Variants in FHOD3 observed in about 807,000 individuals in gnomAD.
FHOD3 encodes the protein formin homology 2 domain containing 3.
In FHOD3, 90 loss-of-function variants were observed where a neutral mutation model predicts 173.0. That is an observed-to-expected ratio of 0.52 (90% CI 0.44 to 0.62). The LOEUF (loss-of-function observed/expected upper bound fraction) is 0.62. Ranked by LOEUF, FHOD3 falls within the 20% of genes least tolerant of loss-of-function variation. The pLI, the probability that FHOD3 is intolerant of heterozygous loss-of-function variation, is 0.00. For synonymous variants in FHOD3, 828 were observed against 823.0 expected (o/e 1.01, Z -0.10); for missense variants, 1,945 against 2,034.7 (o/e 0.96, Z 0.85).
intron 3 of FHOD3, among the ~76,000 whole-genome samples, chr18:36,492,079 G>A (rs1270658041): frequency 6.6e-6 from 1 of 152,154 alleles, no homozygotes; most frequent in Non-Finnish European, 1.5e-5. Flanking sequence ...CAGATGTTGA[G>A]GGAATTAGGA....
At chr18:36,312,296 C>T (rs1376810322) in intron 1 of FHOD3, among the ~76,000 whole-genome samples, 1 of 152,140 alleles carries the variant, frequency 6.6e-6, no homozygotes, top group East Asian at 1.9e-4. Flanking sequence ...GTTGGCCTTT[C>T]TCAGGTTTCT....
chr18:36,379,973 A>G (rs1250373026), intron 3 of FHOD3, among the ~76,000 whole-genome samples: 1 of 152,240 alleles, frequency 6.6e-6, no homozygotes, highest in Non-Finnish European at 1.5e-5. Context: ...CTTGCTGAAG[A>G]AAGTTCTTTG....
At chr18:36,404,108 A>C (rs2048947905) in intron 3 of FHOD3, among the ~76,000 whole-genome samples, 1 of 152,104 alleles carries the variant, frequency 6.6e-6, no homozygotes, top group Admixed American at 6.5e-5. Context: ...CTGCTCCCTG[A>C]GGGTTTGGGC....
At chr18:36,310,407 C>T (rs1205757791) in intron 1 of FHOD3, among the ~76,000 whole-genome samples, 5 of 151,986 alleles carry the variant, frequency 3.3e-5, no homozygotes, top group African/African-American at 9.7e-5. Flanking sequence ...AACTTGGGGC[C>T]GGGTGCAGTG....
chr18:36,690,540 C>A (rs2149479121), intron 16 of FHOD3, among the ~76,000 whole-genome samples: 1 of 152,238 alleles, frequency 6.6e-6, no homozygotes. Context: ...AGCTTCCTCC[C>A]CAAGAACTGC....
chr18:36,638,581 T>C (rs1360156994), intron 10 of FHOD3, among the ~76,000 whole-genome samples: 2 of 152,196 alleles, frequency 1.3e-5, no homozygotes, highest in African/African-American at 4.8e-5. Flanking sequence ...GCCAAGCTAC[T>C]GGGAAACATT....
At chr18:36,302,893 GGTTGGAGC>G (rs1418985651) in intron 1 of FHOD3, among the ~76,000 whole-genome samples, 1 of 152,200 alleles carries the variant, frequency 6.6e-6, no homozygotes, top group Non-Finnish European at 1.5e-5. Context: ...TAGCTCAGTT[GGTTGGAGC>G]CTTGCTATTG....
chr18:36,308,171 G>A (rs1814301185), intron 1 of FHOD3, among the ~76,000 whole-genome samples: 1 of 152,104 alleles, frequency 6.6e-6, no homozygotes, highest in Admixed American at 6.5e-5. Flanking sequence ...TTGCCAATAA[G>A]GAAAATACAG....
At chr18:36,698,280 T>C (rs2039397482) in intron 17 of FHOD3, among the ~76,000 whole-genome samples, 1 of 152,230 alleles carries the variant, frequency 6.6e-6, no homozygotes, top group Non-Finnish European at 1.5e-5. Context: ...TTGCAAATCA[T>C]CGAGTTTTTC....
intron 3 of FHOD3, among the ~76,000 whole-genome samples, chr18:36,411,510 G>T (rs2049349466): frequency 6.6e-6 from 1 of 152,086 alleles, no homozygotes; most frequent in South Asian, 2.1e-4. Flanking sequence ...ATAAAATCTG[G>T]CCTCTAAACA....
At chr18:36,652,063 C>A (rs746917339) in intron 11 of FHOD3, among the ~76,000 whole-genome samples, 12 of 152,188 alleles carry the variant, frequency 7.9e-5, no homozygotes, top group Non-Finnish European at 1.5e-4. Context: ...CTTAGCCATA[C>A]CTGCTGTCAC....
intron 5 of FHOD3, among the ~76,000 whole-genome samples, chr18:36,521,670 G>T (rs1294647423): frequency 6.6e-6 from 1 of 152,102 alleles, no homozygotes; most frequent in Non-Finnish European, 1.5e-5. Flanking sequence ...TCTGCTTTTA[G>T]TCCTGCCTCC....
intron 6 of FHOD3, among the ~76,000 whole-genome samples, chr18:36,578,371 T>C (rs1373778823): frequency 3.3e-5 from 5 of 152,122 alleles, no homozygotes; most frequent in Non-Finnish European, 7.4e-5. Flanking sequence ...TTCACTATCA[T>C]GAGAAAAGCA....
intron 5 of FHOD3, among the ~76,000 whole-genome samples, chr18:36,550,186 T>G (rs536568321): frequency 6.7e-6 from 1 of 149,332 alleles, no homozygotes; most frequent in African/African-American, 2.5e-5. Context: ...TGTGTGTGTT[T>G]GTATATATAT....
At chr18:36,304,392 A>C (rs1215525694) in intron 1 of FHOD3, among the ~76,000 whole-genome samples, 2 of 152,214 alleles carry the variant, frequency 1.3e-5, no homozygotes, top group African/African-American at 4.8e-5. Context: ...AGGGCTCATG[A>C]TACTACTTTC....
intron 5 of FHOD3, among the ~76,000 whole-genome samples, chr18:36,566,372 A>G (rs1230182494): frequency 3.3e-5 from 5 of 152,246 alleles, no homozygotes; most frequent in African/African-American, 1.2e-4. Flanking sequence ...TTTATTTTAT[A>G]TGTAAGGACT....
At chr18:36,772,075 G>T (rs1386914292) in intron 28 of FHOD3, among the ~76,000 whole-genome samples, 5 of 152,158 alleles carry the variant, frequency 3.3e-5, no homozygotes, top group Non-Finnish European at 5.9e-5. Context: ...TGTTTTTGTT[G>T]TTGACATAAA....
At chr18:36,622,712 A>G (rs770485667) in intron 9 of FHOD3, among the ~76,000 whole-genome samples, 104 of 152,306 alleles carry the variant, frequency 6.8e-4, no homozygotes, top group African/African-American at 2.4e-3. Flanking sequence ...CTCTTACCAC[A>G]TGTCCTAAAT....
At chr18:36,360,132 C>G (rs1024880732) in intron 2 of FHOD3, among the ~76,000 whole-genome samples, 6 of 152,174 alleles carry the variant, frequency 3.9e-5, no homozygotes, top group African/African-American at 1.4e-4. Context: ...GTCCACAGGG[C>G]ACTGTCATGG....
Sources: allele counts gnomAD v4.1 joint callset (sites outside exome capture counted in the v4.1 genomes callset), GRCh38; gene constraint gnomAD v4.1.1; transcripts MANE v1.5; gene names NCBI Gene and HGNC (gene_info 2026-07-23, HGNC 2026-07-21).